EYS: variants seen among roughly 807,000 people sequenced by gnomAD.
EYS encodes the protein protein eyes shut homolog.
Under a neutral mutation model 282.1 loss-of-function variants are expected in EYS, and 250 were observed. The observed-to-expected ratio is 0.89, with a 90% CI of 0.80 to 0.98. EYS has a LOEUF of 0.98. Among genes scored for constraint, EYS ranks in the 50% least tolerant of loss-of-function variants. The pLI is 0.00. For missense variants in EYS, 4,016 were observed against 3,709.0 expected (o/e 1.08, Z -2.15); for synonymous variants, 1,355 against 1,282.9 (o/e 1.06, Z -1.20).
At chr6:64,920,380 C>T (rs1768299498) in intron 15 of EYS, among the ~76,000 whole-genome samples, 1 of 151,994 alleles carries the variant, frequency 6.6e-6, no homozygotes, top group African/African-American at 2.4e-5. Context: ...TGAACATAAA[C>T]CTAGTTTAAG....
intron 33 of EYS, among the ~76,000 whole-genome samples, chr6:64,033,519 A>G (rs923463697): frequency 2.6e-5 from 4 of 152,178 alleles, no homozygotes; most frequent in Non-Finnish European, 4.4e-5. Context: ...AACTATAATA[A>G]TAAGGTTAAT....
chr6:64,480,936 T>C (rs1043986466), intron 26 of EYS, among the ~76,000 whole-genome samples: 9 of 151,776 alleles, frequency 5.9e-5, no homozygotes, highest in African/African-American at 1.4e-4. Flanking sequence ...TTCCAAGACT[T>C]TTTTTTCAGG....
intron 23 of EYS, among the ~76,000 whole-genome samples, chr6:64,620,226 T>C (rs1767401163): frequency 6.6e-6 from 1 of 152,076 alleles, no homozygotes; most frequent in Admixed American, 6.6e-5. Flanking sequence ...AGATGAGAAA[T>C]ATAAAAGCAC....
rs572365043 is a variant in EYS at position 65,030,742 on chromosome 6, G to A, written c.2137+26872C>T. ...GTAGCCCTTCAGGGGCTGCTTTATA[G>A]TGTCAATCAAGTCTGCGTAACAACA... On this transcript the variant is annotated intron_variant, in intron 13 of 42. Coordinates refer to ENST00000503581, the MANE Select transcript of EYS (RefSeq NM_001142800.2). Among the ~76,000 whole-genome samples the A allele has an allele frequency of 2.0e-5, 3 of 152,290 alleles. No homozygotes were observed. The East Asian group carries it at 5.8e-4, about 29-fold the overall frequency.
chr6:64,366,173 T>C (rs1237089222), intron 29 of EYS, among the ~76,000 whole-genome samples: 1 of 152,038 alleles, frequency 6.6e-6, no homozygotes, highest in Non-Finnish European at 1.5e-5. Context: ...TTCCCGTTAA[T>C]ATTGGTTGAC....
At chr6:64,647,773 C>A (rs555439847) in intron 22 of EYS, among the ~76,000 whole-genome samples, 15 of 152,022 alleles carry the variant, frequency 9.9e-5, no homozygotes, top group Admixed American at 9.8e-4. Context: ...TTACTTCAAA[C>A]GGCATTTGTT....
At chr6:64,240,657 A>G (rs1455552197) in intron 30 of EYS, among the ~76,000 whole-genome samples, 2 of 152,160 alleles carry the variant, frequency 1.3e-5, no homozygotes, top group Non-Finnish European at 2.9e-5. Context: ...TGGGGCTGAG[A>G]CGATGGGGTT....
intron 18 of EYS, among the ~76,000 whole-genome samples, chr6:64,900,886 A>G (rs1275519271): frequency 6.6e-6 from 1 of 152,138 alleles, no homozygotes; most frequent in Non-Finnish European, 1.5e-5. Context: ...TAATATAATT[A>G]CTGGGCATAT....
At chr6:65,200,789 A>G (rs1473131303) in intron 12 of EYS, among the ~76,000 whole-genome samples, 2 of 152,112 alleles carry the variant, frequency 1.3e-5, no homozygotes, top group Non-Finnish European at 2.9e-5. Context: ...AATTTTCTCA[A>G]GCTTCCTGTT....
At chr6:64,045,034 TGGAAAA>T (rs1431012561) in intron 33 of EYS, among the ~76,000 whole-genome samples, 24 of 152,134 alleles carry the variant, frequency 1.6e-4, no homozygotes, top group Non-Finnish European at 3.2e-4. Flanking sequence ...ATCAATCCAG[TGGAAAA>T]GGAAAAGTAA....
intron 29 of EYS, among the ~76,000 whole-genome samples, chr6:64,350,736 G>A (rs968572607): frequency 1.3e-4 from 19 of 151,616 alleles, no homozygotes; most frequent in African/African-American, 4.1e-4. Context: ...AAGTTAATTC[G>A]GTGTGTTGAA....
intron 12 of EYS, among the ~76,000 whole-genome samples, chr6:65,069,568 T>G (rs887429024): frequency 2.6e-5 from 4 of 151,986 alleles, no homozygotes; most frequent in Non-Finnish European, 4.4e-5. Context: ...TCTCACTGTT[T>G]TTTATCCTTT....
intron 29 of EYS, among the ~76,000 whole-genome samples, chr6:64,311,042 A>G (rs1341260629): frequency 1.3e-5 from 2 of 151,892 alleles, no homozygotes; most frequent in African/African-American, 4.8e-5. Context: ...TAATGTATTT[A>G]GTTTTTTAAA....
chr6:64,072,511 C>G (rs180762976), intron 32 of EYS, among the ~76,000 whole-genome samples: 1 of 150,316 alleles, frequency 6.7e-6, no homozygotes, highest in Admixed American at 6.6e-5. Context: ...GACTTTTTTT[C>G]TGGAGTGGAG....
intron 30 of EYS, among the ~76,000 whole-genome samples, chr6:64,292,725 G>A (rs922872985): frequency 2.0e-5 from 3 of 152,026 alleles, no homozygotes; most frequent in Admixed American, 6.6e-5. Context: ...CAGGAAAAGG[G>A]ACTACGTTGA....
chr6:65,558,056 C>G (rs572779509), intron 2 of EYS, among the ~76,000 whole-genome samples: 2 of 152,284 alleles, frequency 1.3e-5, no homozygotes, highest in African/African-American at 4.8e-5. Flanking sequence ...GAACTGGCAT[C>G]CGAGCCCCCA....
At chr6:63,848,857 G>A (rs1263566592) in intron 36 of EYS, among the ~76,000 whole-genome samples, 10 of 152,110 alleles carry the variant, frequency 6.6e-5, no homozygotes, top group Admixed American at 6.5e-4. Flanking sequence ...CTGGAAAGGG[G>A]GCTGAAGCCA....
intron 26 of EYS, among the ~76,000 whole-genome samples, chr6:64,566,786 A>T (rs78079767): frequency 0.03 from 4,605 of 152,028 alleles, 155 homozygotes; most frequent in East Asian, 0.11. Flanking sequence ...ATATATATAT[A>T]TTTTTAAGAC....
At chr6:64,260,717 T>TA (rs1318080162) in intron 30 of EYS, among the ~76,000 whole-genome samples, 1 of 152,084 alleles carries the variant, frequency 6.6e-6, no homozygotes, top group East Asian at 1.9e-4. Flanking sequence ...GTTATGCTTT[T>TA]ATTCTATAGT....
Sources: gnomAD v4.1 joint callset for allele counts (sites outside exome capture counted in the v4.1 genomes callset) on GRCh38, gnomAD v4.1.1 for gene constraint, MANE v1.5 for transcripts, NCBI Gene and HGNC (gene_info 2026-07-23, HGNC 2026-07-21) for gene names.